Variants in TAF3 observed in about 807,000 individuals in gnomAD.
TAF3 encodes the protein TATA-box binding protein associated factor 3.
In TAF3, 7 loss-of-function variants were observed where a neutral mutation model predicts 80.6. The observed-to-expected ratio is 0.09, with a 90% CI of 0.05 to 0.16. The LOEUF is 0.16. TAF3 is among the 10% of genes least tolerant of loss of function. TAF3 has a pLI of 1.00. For synonymous variants in TAF3, 444 were observed against 446.1 expected, an observed-to-expected ratio of 1.00 and a Z score of 0.06; for missense variants, 921 against 1,140.2, an observed-to-expected ratio of 0.81 and a Z score of 2.77.
intron 2 of TAF3, among the ~76,000 whole-genome samples, chr10:7,855,492 C>T (rs192391916): frequency 6.6e-6 from 1 of 152,268 alleles, no homozygotes; most frequent in African/African-American, 2.4e-5. Context: ...TTTCTTCATC[C>T]TTTGGGGAGG....
At chr10:8,008,775 C>A (rs536945325) in intron 4 of TAF3, among the ~76,000 whole-genome samples, 1 of 152,186 alleles carries the variant, frequency 6.6e-6, no homozygotes, top group African/African-American at 2.4e-5. Flanking sequence ...GCCGTCAGAG[C>A]TTCTGCCCCA....
intron 2 of TAF3, among the ~76,000 whole-genome samples, chr10:7,902,462 T>A (rs530712293): frequency 6.6e-6 from 1 of 152,196 alleles, no homozygotes; most frequent in East Asian, 1.9e-4. Context: ...TCTTAGGAGA[T>A]GTTATTAAGA....
At chr10:7,862,826 T>G (rs1439209673) in intron 2 of TAF3, among the ~76,000 whole-genome samples, 1 of 152,248 alleles carries the variant, frequency 6.6e-6, no homozygotes, top group Non-Finnish European at 1.5e-5. Flanking sequence ...ATAATTATTT[T>G]GAGATTCATC....
intron 2 of TAF3, among the ~76,000 whole-genome samples, chr10:7,863,234 G>T (rs953161099): frequency 6.6e-6 from 1 of 152,126 alleles, no homozygotes; most frequent in Non-Finnish European, 1.5e-5. Context: ...AAGAAAGACT[G>T]CAGGGTTTTG....
chr10:7,818,959 G>A, intron 1 of TAF3, 84 bp downstream of exon 1: 2 of 1,283,414 alleles, frequency 1.6e-6, no homozygotes, highest in Non-Finnish European at 2.0e-6. Context: ...CGCGTCCCCG[G>A]GGTGTGCATC....
chr10:7,829,742 C>A (rs568348445), intron 2 of TAF3, among the ~76,000 whole-genome samples: 51 of 152,260 alleles, frequency 3.3e-4, no homozygotes, highest in African/African-American at 1.2e-3. Context: ...AGTTTCTCTT[C>A]TATCCCCTCT....
At chr10:7,831,096 CTT>C (rs1330343861) in intron 2 of TAF3, among the ~76,000 whole-genome samples, 1 of 152,170 alleles carries the variant, frequency 6.6e-6, no homozygotes, top group African/African-American at 2.4e-5. Context: ...AATACTATCA[CTT>C]TGTTTTTATT....
intron 3 of TAF3, chr10:7,975,127 C>T: frequency 3.7e-6 from 1 of 266,832 alleles, no homozygotes; most frequent in South Asian, 3.6e-5. Flanking sequence ...AACAGAAAGA[C>T]TGAAGATACT....
intron 2 of TAF3, among the ~76,000 whole-genome samples, chr10:7,885,085 A>G (rs1837397030): frequency 6.6e-6 from 1 of 152,062 alleles, no homozygotes; most frequent in African/African-American, 2.4e-5. Context: ...GGAATGGAGT[A>G]TGGGGAGTAA....
At chr10:7,990,916 G>A (rs1212937495) in intron 4 of TAF3, among the ~76,000 whole-genome samples, 3 of 152,146 alleles carry the variant, frequency 2.0e-5, no homozygotes, top group African/African-American at 4.8e-5. Flanking sequence ...GAAACTTCTC[G>A]AGCCCCTCTC....
chr10:7,948,090 T>C (rs1269486505), intron 2 of TAF3, among the ~76,000 whole-genome samples: 2 of 149,876 alleles, frequency 1.3e-5, no homozygotes, highest in African/African-American at 4.9e-5. Context: ...GGAGACAGGG[T>C]CTCACTCTGT....
chr10:7,995,226 T>A (rs184019324), intron 4 of TAF3, among the ~76,000 whole-genome samples: 5 of 152,330 alleles, frequency 3.3e-5, no homozygotes, highest in Admixed American at 3.3e-4. Flanking sequence ...TTTTTGTTTC[T>A]ACATGGTTAT....
chr10:8,009,210 G>A lies in TAF3; in HGVS notation c.2448G>A (p.Pro816=). The change falls in exon 5 of 7, where the codon CCG becomes CCA. Residue 816 remains proline, a synonymous_variant. Transcript: ENST00000344293. This position sits in a 1 kb window ranked among gnomAD's most constrained non-coding sequence, Gnocchi z 4.1. ...TCAGCCCTGCGCCCGTGCCGCTGCC[G>A]CTGCTCGCCCAGGCCGCCGCGGGCC... ...MLVSPAPVPL[P]LLAQAAAGPA... is the part of the protein sequence containing the mutation. 6.9e-7 allele frequency: 1 copy of A among 1,448,700 alleles called. No individual in the cohort carries two copies. Among genetic ancestry groups the A allele is most frequent in the Non-Finnish European group, 9.1e-7 (1 of 1,101,340 alleles). 89.7% of individuals were successfully genotyped at this position (1,448,700 alleles called of 1,614,324 possible). A position where few individuals can be genotyped will look rare whatever the true frequency, so the allele number is the denominator to read the frequency against.
At chr10:7,893,940 G>A (rs1264977040) in intron 2 of TAF3, among the ~76,000 whole-genome samples, 2 of 152,106 alleles carry the variant, frequency 1.3e-5, no homozygotes, top group East Asian at 1.9e-4. Flanking sequence ...GAACCAGTCT[G>A]TTTCTCTCTT....
chr10:7,894,480 C>T (rs924319345), intron 2 of TAF3, among the ~76,000 whole-genome samples: 26 of 152,278 alleles, frequency 1.7e-4, no homozygotes, highest in African/African-American at 6.3e-4. Flanking sequence ...TAGTGTGATG[C>T]GTCAGTGACC....
chr10:7,905,832 G>A (rs919904938), intron 2 of TAF3, among the ~76,000 whole-genome samples: 4 of 151,948 alleles, frequency 2.6e-5, no homozygotes, highest in African/African-American at 4.8e-5. Context: ...GCAGTGAGCT[G>A]AGATTATGCC....
chr10:7,889,379 T>C (rs769593878), intron 2 of TAF3, among the ~76,000 whole-genome samples: 13 of 152,196 alleles, frequency 8.5e-5, no homozygotes, highest in Non-Finnish European at 1.6e-4. Flanking sequence ...ACACTTCACA[T>C]CTACTCATTT....
chr10:7,970,379 A>G (rs375574523), intron 3 of TAF3, among the ~76,000 whole-genome samples: 3 of 152,232 alleles, frequency 2.0e-5, no homozygotes, highest in South Asian at 2.1e-4. Context: ...AGGGTTTGGT[A>G]TAGTGGTTCC....
At chr10:7,951,215 T>C (rs985099955) in intron 2 of TAF3, among the ~76,000 whole-genome samples, 11 of 152,244 alleles carry the variant, frequency 7.2e-5, no homozygotes, top group African/African-American at 1.9e-4. Flanking sequence ...TATGAATACA[T>C]AGCTAACATG....
Sources: gnomAD v4.1 joint callset for allele counts (sites outside exome capture counted in the v4.1 genomes callset) on GRCh38, gnomAD v4.1.1 for gene constraint, Gnocchi (gnomAD v3.1) non-coding constraint, MANE v1.5 for transcripts, NCBI Gene and HGNC (gene_info 2026-07-23, HGNC 2026-07-21) for gene names.